The following SPAG16 variants were observed in gnomAD, a reference collection of about 807,000 sequenced individuals.
SPAG16 encodes sperm-associated antigen 16 protein.
SPAG16 carries 86 observed loss-of-function variants against 80.4 expected under a neutral mutation model. The ratio of observed to expected loss-of-function variants is 1.07; its 90% CI spans 0.90 to 1.28. The LOEUF is 1.28. Ranked by LOEUF, SPAG16 falls within the 50% of genes most tolerant of loss-of-function variation. The pLI is 0.00. For missense variants in SPAG16, 870 were observed against 765.3 expected (o/e 1.14, Z -1.61); for synonymous variants, 294 against 265.9 (o/e 1.11, Z -1.03).
chr2:213,742,123 T>G (rs925924949), intron 10 of SPAG16, among the ~76,000 whole-genome samples: 1 of 104,700 alleles, frequency 9.6e-6, no homozygotes, highest in Admixed American at 1.2e-4. Context: ...GTACTTGCTG[T>G]TCTGTGTTTA....
At chr2:213,995,208 A>G (rs1291749657) in intron 12 of SPAG16, among the ~76,000 whole-genome samples, 1 of 152,174 alleles carries the variant, frequency 6.6e-6, no homozygotes, top group Non-Finnish European at 1.5e-5. Context: ...TGTGTTAAAA[A>G]CAGCAGCAAA....
intron 13 of SPAG16, 56 bp from the exon 14 acceptor site, chr2:214,108,140 C>A: frequency 2.2e-6 from 3 of 1,349,356 alleles, no homozygotes; most frequent in Non-Finnish European, 2.1e-6. Context: ...TCTTTGAATT[C>A]CTTTTTACGT....
intron 13 of SPAG16, among the ~76,000 whole-genome samples, chr2:214,069,261 A>C (rs544176350): frequency 3.3e-4 from 50 of 152,254 alleles, no homozygotes; most frequent in Non-Finnish European, 6.2e-4. Context: ...GGCCATTGAA[A>C]GGGTTTAATT....
intron 10 of SPAG16, among the ~76,000 whole-genome samples, chr2:213,795,095 C>T (rs1189674436): frequency 6.6e-6 from 1 of 152,048 alleles, no homozygotes; most frequent in Non-Finnish European, 1.5e-5. Context: ...TGATAAGCCC[C>T]ATTTCAGTAT....
chr2:213,905,413 G>A (rs551287947), intron 11 of SPAG16, among the ~76,000 whole-genome samples: 44 of 152,286 alleles, frequency 2.9e-4, no homozygotes, highest in African/African-American at 9.4e-4. Context: ...CAAATTAAAT[G>A]TCCAGTGGCA....
chr2:213,584,478 G>T (rs1407677577), intron 10 of SPAG16, among the ~76,000 whole-genome samples: 4 of 151,872 alleles, frequency 2.6e-5, no homozygotes. Context: ...AGAGATCAAA[G>T]AATCTCAGTG....
chr2:213,685,996 A>G (rs556589517), intron 10 of SPAG16, among the ~76,000 whole-genome samples: 28 of 152,340 alleles, frequency 1.8e-4, no homozygotes, highest in Non-Finnish European at 3.5e-4. Flanking sequence ...GAAATTTAAT[A>G]AATTTTGACA....
At chr2:214,340,974 T>C (rs1559226598) in intron 15 of SPAG16, among the ~76,000 whole-genome samples, 1 of 152,150 alleles carries the variant, frequency 6.6e-6, no homozygotes. Context: ...ATCAAGATAA[T>C]AAAAGAAAAT....
chr2:213,870,717 G>A (rs2075912905), intron 11 of SPAG16, among the ~76,000 whole-genome samples: 1 of 152,118 alleles, frequency 6.6e-6, no homozygotes, highest in African/African-American at 2.4e-5. Context: ...CATTATTATG[G>A]TTGTTGTTGT....
intron 12 of SPAG16, among the ~76,000 whole-genome samples, chr2:213,988,427 A>G (rs984834577): frequency 6.6e-6 from 1 of 152,174 alleles, no homozygotes; most frequent in Non-Finnish European, 1.5e-5. Flanking sequence ...GAATTAAATT[A>G]GAAATCGATA....
chr2:213,310,693 A>ATATCACT (rs2063151663), intron 4 of SPAG16, among the ~76,000 whole-genome samples: 1 of 151,804 alleles, frequency 6.6e-6, no homozygotes, highest in South Asian at 2.1e-4. Flanking sequence ...TGTATTTTGA[A>ATATCACT]TATCACTTAA....
intron 15 of SPAG16, among the ~76,000 whole-genome samples, chr2:214,288,542 C>G (rs1693549285): frequency 6.6e-6 from 1 of 152,022 alleles, no homozygotes; most frequent in South Asian, 2.1e-4. Flanking sequence ...TTCATTCCCA[C>G]CGACAGTGTA....
rs2061045734 is a variant in SPAG16, at chr2:213,601,119, A to C, written c.1070+111029A>C. ...CTGGGACAAAGTCTGTTGGGCCTGC[A>C]GAAGAGGCAATGGTTTTGAAAAAAG... is the stretch of plus-strand genomic sequence containing the variant. On this transcript the variant is annotated intron_variant, in intron 10 of 15. Transcript: ENST00000331683. Among the ~76,000 whole-genome samples the C allele has an allele frequency of 1.3e-5, 2 of 152,218 alleles. 1 individual carries two copies. Among genetic ancestry groups the C allele is most frequent in the Admixed American group, 1.3e-4 (2 of 15,282 alleles).
chr2:213,942,060 G>T (rs767349596), intron 12 of SPAG16, among the ~76,000 whole-genome samples: 2 of 151,948 alleles, frequency 1.3e-5, no homozygotes, highest in Non-Finnish European at 2.9e-5. Flanking sequence ...CTTGATAATA[G>T]CCTTCCTCTT....
At chr2:213,814,872 A>AAT (rs34269015) in intron 10 of SPAG16, among the ~76,000 whole-genome samples, 9,077 of 148,138 alleles carry the variant, frequency 0.061, 357 homozygotes, top group Non-Finnish European at 0.087. Flanking sequence ...AACAGCCTTA[A>AAT]ATATATATAT....
intron 13 of SPAG16, among the ~76,000 whole-genome samples, chr2:214,067,634 G>GAA (rs879721803): frequency 4.3e-5 from 6 of 139,084 alleles, no homozygotes; most frequent in African/African-American, 1.3e-4. Flanking sequence ...ATGTCTTTCT[G>GAA]AAAAAAAAAA....
chr2:213,495,835 G>A (rs1457894673), intron 10 of SPAG16, among the ~76,000 whole-genome samples: 1 of 152,154 alleles, frequency 6.6e-6, no homozygotes, highest in Admixed American at 6.6e-5. Flanking sequence ...CCTTGAGGTG[G>A]GAGCATATCC....
intron 15 of SPAG16, among the ~76,000 whole-genome samples, chr2:214,216,306 GTGA>G (rs145589763): frequency 7.7e-4 from 117 of 151,762 alleles, no homozygotes; most frequent in South Asian, 7.3e-3. Context: ...GAAAAATGCT[GTGA>G]TGATGATGAT....
At chr2:214,366,359 C>A (rs1218209942) in intron 15 of SPAG16, among the ~76,000 whole-genome samples, 3 of 152,162 alleles carry the variant, frequency 2.0e-5, no homozygotes, top group Admixed American at 6.6e-5. Flanking sequence ...AGGTATAGAG[C>A]TTCTACCAGT....
Sources: allele counts gnomAD v4.1 joint callset (sites outside exome capture counted in the v4.1 genomes callset), GRCh38; gene constraint gnomAD v4.1.1; transcripts MANE v1.5; gene names NCBI Gene and HGNC (gene_info 2026-07-23, HGNC 2026-07-21).